Variants in RANBP17 observed in about 807,000 individuals in gnomAD.
The protein encoded by RANBP17 is RAN binding protein 17.
RANBP17 carries 158 observed loss-of-function variants against 141.2 expected under a neutral mutation model. The observed-to-expected ratio is 1.12, with a 90% confidence interval of 0.98 to 1.28. RANBP17 has a LOEUF of 1.28. Ranked by LOEUF, RANBP17 falls within the 50% of genes most tolerant of loss-of-function variation. The probability of loss-of-function intolerance (pLI) is 0.00; values close to 1 mark genes in which losing one functional copy is unlikely to be tolerated. For missense variants in RANBP17, 1,438 were observed against 1,290.7 expected, an observed-to-expected ratio of 1.11 and a Z score of -1.75; for synonymous variants, 430 against 450.0, an observed-to-expected ratio of 0.96 and a Z score of 0.56.
chr5:171,285,407 A>T (rs1768109673), intron 25 of RANBP17, among the ~76,000 whole-genome samples: 1 of 152,240 alleles, frequency 6.6e-6, no homozygotes, highest in Non-Finnish European at 1.5e-5. Context: ...AATAAAAATT[A>T]GGGGAAAGTG....
Position 171,055,891 on chromosome 5 carries a change from AAAAAAC to A in RANBP17, c.1710+87520_1710+87525del, listed in dbSNP as rs1362133669. 1.7e-3 allele frequency among the ~76,000 whole-genome samples: 235 copies of A among 141,864 alleles called. 5 individuals carry two copies. The highest frequency in any genetic ancestry group is 3.6e-3 in the Middle Eastern group (1 of 280). 93.1% of individuals were successfully genotyped at this position (141,864 alleles called of 152,430 possible). A position where few individuals can be genotyped will look rare whatever the true frequency, so the allele number is the denominator to read the frequency against. The stretch of plus-strand genomic sequence containing the variant: ...TTGTGTCCTGTTGCCAAAAAAAAAA[AAAAAAC>A]AAAAAAAAAAACATTCTTATTACAC... On this transcript the variant is annotated intron_variant, in intron 14 of 27. Transcript: ENST00000523189.
At chr5:170,894,515 C>T (rs867756451) in intron 4 of RANBP17, among the ~76,000 whole-genome samples, 39 of 63,316 alleles carry the variant, frequency 6.2e-4, no homozygotes, top group Admixed American at 1.7e-3. Context: ...TATGGCTTGA[C>T]CTAACCCTGC....
intron 6 of RANBP17, 150 bp downstream of exon 6, chr5:170,909,915 T>C (rs1207255226): frequency 2.0e-6 from 1 of 501,498 alleles, no homozygotes; most frequent in Non-Finnish European, 3.5e-6. Context: ...CATAAGTCTG[T>C]AAGCAGTTCC....
chr5:170,988,006 T>G (rs1438558911), intron 14 of RANBP17, among the ~76,000 whole-genome samples: 1 of 151,698 alleles, frequency 6.6e-6, no homozygotes, highest in Non-Finnish European at 1.5e-5. Flanking sequence ...TAATTATATA[T>G]ACATTAAACA....
intron 14 of RANBP17, among the ~76,000 whole-genome samples, chr5:171,114,525 T>C (rs537985343): frequency 6.6e-6 from 1 of 151,876 alleles, no homozygotes; most frequent in Non-Finnish European, 1.5e-5. Flanking sequence ...TATAAATGTT[T>C]ATATTTCAGT....
rs1184275200 is a variant in RANBP17 at position 171,172,540 on chromosome 5, AT to A, written c.1865+1261del. ...TTATTAAAAAAAAAACTCAACCCAT[AT>A]TTTTTTCTAATAATAATGCTGAAAT... is the stretch of plus-strand genomic sequence containing the variant. On this transcript the variant is annotated intron_variant, in intron 16 of 27. Transcript: ENST00000523189. Among the ~76,000 whole-genome samples, 6 of 151,334 alleles carry A rather than the reference AT, an allele frequency of 4.0e-5. No individual in the cohort carries two copies. The South Asian group carries it at 6.3e-4, about 16-fold the overall frequency.
At chr5:170,909,153 GAA>G (rs1440847048) in intron 5 of RANBP17, among the ~76,000 whole-genome samples, 1 of 151,834 alleles carries the variant, frequency 6.6e-6, no homozygotes, top group Non-Finnish European at 1.5e-5. Context: ...GCTTATATAA[GAA>G]ATCAGATTTC....
intron 16 of RANBP17, among the ~76,000 whole-genome samples, chr5:171,172,689 G>A (rs1479446537): frequency 6.6e-6 from 1 of 151,614 alleles, no homozygotes; most frequent in Non-Finnish European, 1.5e-5. Flanking sequence ...TTATTTTATA[G>A]CATATATCTA....
intron 12 of RANBP17, among the ~76,000 whole-genome samples, chr5:170,949,375 A>C (rs1372001195): frequency 6.6e-6 from 1 of 152,182 alleles, no homozygotes; most frequent in Non-Finnish European, 1.5e-5. Flanking sequence ...TAATTATTAC[A>C]ACCCAGTAAT....
Position 171,205,543 on chromosome 5 carries a change from C to T in RANBP17, c.2162C>T (p.Ala721Val). The change falls in exon 20 of 28, where the codon GCA (alanine) becomes GTA (valine). Residue 721 changes from alanine to valine, a missense_variant. Physicochemically the swap from Ala to Val is moderately conservative, Grantham distance 64. Transcript: ENST00000523189. ...TGACAGCGTATGTTGATCGGGCTGG[C>T]AAGAGATCTTCGAGGGATTGCCTTT... ...EDVKRMLIGL[A>V]RDLRGIAFAL... is the part of the protein sequence containing the mutation. 1 of 1,613,900 alleles carries T rather than the reference C, an allele frequency of 6.2e-7. No homozygotes were observed. The highest frequency in any genetic ancestry group is 8.5e-7 in the Non-Finnish European group (1 of 1,179,852).
intron 18 of RANBP17, among the ~76,000 whole-genome samples, chr5:171,193,179 C>T (rs748218640): frequency 3.3e-5 from 5 of 152,188 alleles, no homozygotes; most frequent in Non-Finnish European, 7.3e-5. Context: ...AGCTTCATTA[C>T]ACCTACTTTC....
At chr5:170,896,308 G>C (rs1298297910) in intron 5 of RANBP17, 193 bp downstream of exon 5, 1 of 560,416 alleles carries the variant, frequency 1.8e-6, no homozygotes, top group East Asian at 3.0e-5. Flanking sequence ...TGTTATTGAA[G>C]ATATCTGCAA....
chr5:170,972,635 T>G (rs1777076022), intron 14 of RANBP17, among the ~76,000 whole-genome samples: 1 of 152,200 alleles, frequency 6.6e-6, no homozygotes, highest in Non-Finnish European at 1.5e-5. Context: ...TTCCAGATTT[T>G]CAATTTTTAC....
At position 170,970,668 on chromosome 5, in the gene RANBP17, C is replaced by T. The variant is rs138680349; in HGVS notation, c.1710+2291C>T. ...GCAAAAATTTAAAAAATTCCAACCT[C>T]AGGCATGAATGGGTTAAGACACTAT... On this transcript the variant is annotated intron_variant, in intron 14 of 27. Coordinates refer to ENST00000523189, the MANE Select transcript of RANBP17 (RefSeq NM_022897.5). 5 of 152,232 alleles carry T rather than the reference C, an allele frequency of 3.3e-5. No individual in the cohort carries two copies. The East Asian group carries it at 9.6e-4, about 29-fold the overall frequency. 9.4% of individuals were successfully genotyped at this position (152,232 alleles called of 1,614,324 possible).
chr5:170,914,459 C>T (rs1771783766), intron 8 of RANBP17, among the ~76,000 whole-genome samples: 1 of 152,128 alleles, frequency 6.6e-6, no homozygotes, highest in South Asian at 2.1e-4. Flanking sequence ...GAACCAGTAA[C>T]TGTTGATTTA....
intron 20 of RANBP17, chr5:171,207,834 A>G (rs1738329011): frequency 6.6e-6 from 1 of 152,232 alleles, no homozygotes; most frequent in Admixed American, 6.5e-5. Flanking sequence ...TAATAATAGT[A>G]AAATTTGTTT....
intron 1 of RANBP17, among the ~76,000 whole-genome samples, chr5:170,862,862 A>G (rs1184854485): frequency 6.6e-6 from 1 of 152,230 alleles, no homozygotes; most frequent in Non-Finnish European, 1.5e-5. Flanking sequence ...TACAGTTAAC[A>G]GAGAATTACA....
chr5:171,209,246 T>A (rs1762741920), intron 20 of RANBP17, among the ~76,000 whole-genome samples: 1 of 152,136 alleles, frequency 6.6e-6, no homozygotes, highest in Admixed American at 6.5e-5. Context: ...AGGGAGTCAG[T>A]AGTGAAGATG....
chr5:171,174,751 AGTGTGTGTGTGTGTGTGTGTGT>A (rs57948503), intron 16 of RANBP17, among the ~76,000 whole-genome samples: 1 of 135,622 alleles, frequency 7.4e-6, no homozygotes, highest in Admixed American at 7.6e-5. Context: ...AAATATCTAG[AGTGTGTGTGTGTGTGTGTGTGT>A]GTGTGTGTGT....
Sources: gnomAD v4.1 joint callset for allele counts (sites outside exome capture counted in the v4.1 genomes callset) on GRCh38, gnomAD v4.1.1 for gene constraint, MANE v1.5 for transcripts, NCBI Gene and HGNC (gene_info 2026-07-23, HGNC 2026-07-21) for gene names.